Variants in FGF1 observed in about 807,000 individuals in gnomAD.
FGF1 encodes the protein fibroblast growth factor 1, also known as beta-endothelial cell growth factor.
FGF1 carries 9 observed loss-of-function variants against 13.4 expected under a neutral mutation model. The ratio of observed to expected loss-of-function variants is 0.67; its 90% CI spans 0.40 to 1.17. The LOEUF (loss-of-function observed/expected upper bound fraction) is 1.17. Among genes scored for constraint, FGF1 ranks in the 50% most tolerant of loss-of-function variants. FGF1 has a pLI of 0.01. For missense variants in FGF1, 156 were observed against 192.7 expected (o/e 0.81, Z 1.13); for synonymous variants, 93 against 79.0 (o/e 1.18, Z -0.94).
At chr5:142,677,741 C>T (rs1772900458) in intron 1 of FGF1, among the ~76,000 whole-genome samples, 1 of 152,156 alleles carries the variant, frequency 6.6e-6, no homozygotes, top group Admixed American at 6.5e-5. Context: ...ATTTGAGCAC[C>T]TACCCTGTGG....
chr5:142,669,099 G>C (rs1392214821), intron 1 of FGF1, among the ~76,000 whole-genome samples: 1 of 152,236 alleles, frequency 6.6e-6, no homozygotes, highest in African/African-American at 2.4e-5. Context: ...GGACACACAG[G>C]GTTAGTGCAA....
At chr5:142,629,925 G>T (rs571558897) in intron 1 of FGF1, among the ~76,000 whole-genome samples, 9 of 132,240 alleles carry the variant, frequency 6.8e-5, no homozygotes, top group African/African-American at 2.8e-5. Flanking sequence ...ATAGAGTCTC[G>T]CTCTGTTGGC....
chr5:142,596,472 A>G (rs1163172520), intron 3 of FGF1, among the ~76,000 whole-genome samples: 2 of 142,050 alleles, frequency 1.4e-5, no homozygotes, highest in South Asian at 4.8e-4. Flanking sequence ...GCTAGGTGCC[A>G]TGGTGTGTGC....
At chr5:142,631,248 A>G (rs1763330469) in intron 1 of FGF1, among the ~76,000 whole-genome samples, 1 of 152,256 alleles carries the variant, frequency 6.6e-6, no homozygotes, top group Non-Finnish European at 1.5e-5. Flanking sequence ...ATATAGAGAT[A>G]ATTATTGATT....
intron 1 of FGF1, among the ~76,000 whole-genome samples, chr5:142,642,265 G>A (rs1490478631): frequency 6.6e-6 from 1 of 152,196 alleles, no homozygotes; most frequent in Non-Finnish European, 1.5e-5. Context: ...ATGGAGACAG[G>A]AAGGGAAGAG....
intron 2 of FGF1, among the ~76,000 whole-genome samples, chr5:142,606,218 CTGTGTGTG>C (rs61445131): frequency 1.4e-5 from 2 of 143,146 alleles, no homozygotes; most frequent in East Asian, 2.0e-4. Context: ...CTTTCTCTCT[CTGTGTGTG>C]TGTGTGTGTG....
chr5:142,688,807 C>T (rs527778180), upstream of FGF1, among the ~76,000 whole-genome samples: 20 of 152,318 alleles, frequency 1.3e-4, no homozygotes, highest in South Asian at 3.1e-3. Context: ...TTTTTCCTTT[C>T]GCATCCTAAC....
chr5:142,656,829 GA>G (rs1245640728), intron 1 of FGF1, among the ~76,000 whole-genome samples: 2 of 151,970 alleles, frequency 1.3e-5, no homozygotes, highest in Non-Finnish European at 2.9e-5. Flanking sequence ...ATAGAAAACT[GA>G]AAAAATGATT....
intron 1 of FGF1, among the ~76,000 whole-genome samples, chr5:142,666,571 A>T (rs959753899): frequency 2.0e-5 from 3 of 152,154 alleles, no homozygotes; most frequent in African/African-American, 7.2e-5. Context: ...TTCAGCCAGG[A>T]TATGGAGGAC....
At chr5:142,620,775 C>T (rs1597167095) in intron 1 of FGF1, among the ~76,000 whole-genome samples, 1 of 152,266 alleles carries the variant, frequency 6.6e-6, no homozygotes, top group East Asian at 1.9e-4. Context: ...TTGTACCCAA[C>T]AATGAAGTGA....
intron 1 of FGF1, among the ~76,000 whole-genome samples, chr5:142,638,334 G>A (rs1428836280): frequency 1.3e-5 from 2 of 151,896 alleles, no homozygotes; most frequent in Non-Finnish European, 2.9e-5. Flanking sequence ...CACCTGCTAC[G>A]ACCCCCAGGA....
upstream of FGF1, among the ~76,000 whole-genome samples, chr5:142,689,741 C>T (rs1363537360): frequency 6.8e-6 from 1 of 147,962 alleles, no homozygotes; most frequent in African/African-American, 2.5e-5. Flanking sequence ...GCTCTGTCGC[C>T]CAGGCTGGAG....
intron 1 of FGF1, among the ~76,000 whole-genome samples, chr5:142,650,374 G>C (rs1347466366): frequency 6.6e-6 from 1 of 152,220 alleles, no homozygotes; most frequent in African/African-American, 2.4e-5. Context: ...AACGAGGTCT[G>C]TGAATTCTGA....
At chr5:142,623,176 A>G (rs1202628727) in intron 1 of FGF1, among the ~76,000 whole-genome samples, 1 of 152,094 alleles carries the variant, frequency 6.6e-6, no homozygotes, top group Non-Finnish European at 1.5e-5. Flanking sequence ...TCCTGGTTGG[A>G]CACTCACTAG....
chr5:142,687,807 A>T (rs2152064680), upstream of FGF1, among the ~76,000 whole-genome samples: 1 of 152,350 alleles, frequency 6.6e-6, no homozygotes, highest in East Asian at 1.9e-4. Context: ...TTGTGACTAA[A>T]ACCAGGTCTC....
chr5:142,640,429 G>GT (rs1554084941), intron 1 of FGF1, among the ~76,000 whole-genome samples: 2 of 150,036 alleles, frequency 1.3e-5, no homozygotes, highest in African/African-American at 4.9e-5. Context: ...AGTATGGTGG[G>GT]GGGGGGGGTC....
intron 1 of FGF1, among the ~76,000 whole-genome samples, chr5:142,674,893 C>T (rs1463693388): frequency 2.6e-5 from 4 of 152,262 alleles, no homozygotes; most frequent in South Asian, 4.1e-4. Flanking sequence ...CTGGAGGGAA[C>T]GAGAAGCCAT....
chr5:142,641,117 T>C (rs1259736287), intron 1 of FGF1, among the ~76,000 whole-genome samples: 1 of 152,054 alleles, frequency 6.6e-6, no homozygotes, highest in Admixed American at 6.5e-5. Flanking sequence ...TAATGGAGAA[T>C]GTTGAATGCT....
intron 3 of FGF1, 130 bp downstream of exon 3, chr5:142,600,572 G>C (rs1756298566): frequency 2.8e-6 from 2 of 705,776 alleles, no homozygotes; most frequent in African/African-American, 3.5e-5. Flanking sequence ...AGTGAGGGTG[G>C]GAATCCTTCT....
Sources: allele counts gnomAD v4.1 joint callset (sites outside exome capture counted in the v4.1 genomes callset), GRCh38; gene constraint gnomAD v4.1.1; transcripts MANE v1.5; gene names NCBI Gene and HGNC (gene_info 2026-07-23, HGNC 2026-07-21).